The following PNLIPRP1 variants were observed in gnomAD, a reference collection of about 807,000 sequenced individuals.
PNLIPRP1 encodes pancreatic lipase related protein 1, also known as inactive pancreatic lipase-related protein 1.
In PNLIPRP1, 57 loss-of-function variants were observed where a neutral mutation model predicts 54.6. That is an observed-to-expected ratio of 1.04 (90% CI 0.84 to 1.30). The LOEUF is 1.30. Ranked by LOEUF, PNLIPRP1 falls within the 50% of genes most tolerant of loss-of-function variation. PNLIPRP1 has a pLI of 0.00. For missense variants in PNLIPRP1, 567 were observed against 568.5 expected (o/e 1.00, Z 0.03); for synonymous variants, 232 against 208.8 (o/e 1.11, Z -0.96).
Position 116,594,830 on chromosome 10 carries a change from G to T in PNLIPRP1, c.431G>T (p.Gly144Val). The change falls in exon 5 of 13, where the codon GGC becomes GTC. Residue 144 changes from glycine to valine, a missense_variant. Gly to Val is a moderately radical substitution (Grantham distance 109). Coordinates refer to ENST00000358834, the MANE Select transcript of PNLIPRP1 (RefSeq NM_006229.4). ...TQAANNVRVV[G>V]AQVAQMLDIL... is the part of the protein sequence containing the mutation. ...GCTGCCAACAACGTGCGAGTGGTGG[G>T]CGCCCAGGTGGCCCAGATGCTCGAC... The T allele has an allele frequency of 3.1e-6, 5 of 1,614,090 alleles. No homozygotes were observed. The South Asian group carries it at 5.5e-5, about 18-fold the overall frequency.
intron 10 of PNLIPRP1, among the ~76,000 whole-genome samples, chr10:116,603,455 A>G (rs1255215097): frequency 6.6e-6 from 1 of 152,184 alleles, no homozygotes; most frequent in East Asian, 1.9e-4. Context: ...TAAATTTTTA[A>G]TTGTATTTAA....
chr10:116,599,296 T>TAAAATAAAAA (rs1297586792), intron 8 of PNLIPRP1, among the ~76,000 whole-genome samples: 3 of 133,834 alleles, frequency 2.2e-5, no homozygotes, highest in African/African-American at 7.7e-5. Context: ...TAAAATAAAA[T>TAAAATAAAAA]AAAAAATAAA....
In PNLIPRP1 at chr10:116,600,123, G is replaced by T. The variant is rs1554864565; in HGVS notation, c.891G>T (p.Gly297=). The change falls in exon 9 of 13, where the codon GGG becomes GGT. Residue 297 remains glycine (G), a synonymous_variant. Transcript: ENST00000358834. The stretch of plus-strand genomic sequence containing the variant: ...TGGAAAGCATCCTCAATCCCGATGG[G>T]TTTGCTGCATATCCCTGCACTTCCT... ...YYLESILNPD[G]FAAYPCTSYK... The T allele has an allele frequency of 6.2e-7, 1 of 1,613,680 alleles. No individual in the cohort carries two copies. Among genetic ancestry groups the T allele is most frequent in the Non-Finnish European group, 8.5e-7 (1 of 1,179,656 alleles).
At position 116,591,012 on chromosome 10, in the gene PNLIPRP1, A is replaced by C; in HGVS notation, c.-1+17A>C. On this transcript the variant is annotated intron_variant, in intron 1 of 12. Transcript: ENST00000358834. Reference sequence around the variant, plus strand: ...TTAGACAGGGTAAGCCACCTTTGCAACTCCTTTCCCCCTGCTGTGACGTAC... The same window carrying C: ...TTAGACAGGGTAAGCCACCTTTGCACCTCCTTTCCCCCTGCTGTGACGTAC... The C allele has an allele frequency of 1.4e-6, 1 of 731,480 alleles. No individual in the cohort carries two copies. The highest frequency in any genetic ancestry group is 1.7e-5 in the African/African-American group (1 of 58,138). The allele number at this position is 731,480 out of a possible 1,614,324, so 45.3% of individuals were successfully genotyped here. A position where few individuals can be genotyped will look rare whatever the true frequency, so the allele number is the denominator to read the frequency against.
chr10:116,601,151 A>G lies in PNLIPRP1; in HGVS notation c.1013A>G (p.Glu338Gly). 6.2e-7 allele frequency: 1 copy of G among 1,614,148 alleles called. No homozygotes were observed. The highest frequency in any genetic ancestry group is 1.1e-5 in the South Asian group (1 of 91,078). ...YADKFAGRTS[E>G]EQQKFFLNTG... is the part of the protein sequence containing the mutation. ...GATAAATTTGCTGGCAGGACAAGTG[A>G]AGAGCAGCAGAAATTCTTCTTGAAC... is the stretch of plus-strand genomic sequence containing the variant. Residue 338 changes from glutamate (E) to glycine (G), a missense_variant, in exon 10 of 13, where the codon GAA becomes GGA. Coordinates refer to ENST00000358834, the MANE Select transcript of PNLIPRP1 (RefSeq NM_006229.4).
intron 7 of PNLIPRP1, 36 bp downstream of exon 7, chr10:116,597,983 A>T (rs781962630): frequency 6.2e-7 from 1 of 1,614,150 alleles, no homozygotes; most frequent in African/African-American, 1.3e-5. Flanking sequence ...GAGCACGCAC[A>T]ACTGTGTTTT....
At chr10:116,598,372 C>T (rs112117451) in intron 8 of PNLIPRP1, among the ~76,000 whole-genome samples, 2 of 152,206 alleles carry the variant, frequency 1.3e-5, no homozygotes, top group African/African-American at 4.8e-5. Flanking sequence ...TAAAACATTG[C>T]TGTGGATGTC....
intron 2 of PNLIPRP1, 88 bp from the exon 3 acceptor site, chr10:116,591,683 T>G (rs1222337080): frequency 7.4e-7 from 1 of 1,357,830 alleles, no homozygotes; most frequent in African/African-American, 1.4e-5. Flanking sequence ...TGTCCCTGAA[T>G]AGAAGAGTGA....
chr10:116,604,361 G>A (rs1847900140), intron 11 of PNLIPRP1, among the ~76,000 whole-genome samples: 2 of 152,134 alleles, frequency 1.3e-5, no homozygotes, highest in Admixed American at 1.3e-4. Context: ...TGGGTGTTTA[G>A]ATACACAAAT....
Position 116,591,156 on chromosome 10 carries a change from T to G in PNLIPRP1, c.27T>G (p.Leu9=). The G allele has an allele frequency of 6.2e-7, 1 of 1,613,668 alleles. No individual in the cohort carries two copies. The highest frequency in any genetic ancestry group is 8.5e-7 in the Non-Finnish European group (1 of 1,179,862). The part of the protein sequence containing the change: MLIFWTIT[L]FLLGAAKGKE... ...TGCTGATCTTCTGGACAATCACACT[T>G]TTCCTGCTGGGAGCAGCCAAAGGTA... Residue 9 remains leucine, a synonymous_variant, in exon 2 of 13, where the codon CTT becomes CTG. Coordinates refer to ENST00000358834, the MANE Select transcript of PNLIPRP1 (RefSeq NM_006229.4).
intron 8 of PNLIPRP1, among the ~76,000 whole-genome samples, chr10:116,598,934 A>G (rs975617682): frequency 6.6e-6 from 1 of 152,224 alleles, no homozygotes; most frequent in Non-Finnish European, 1.5e-5. Flanking sequence ...GGCTTGGCAT[A>G]TATGGATGCC....
chr10:116,601,408 A>G (rs1847837350), intron 10 of PNLIPRP1, among the ~76,000 whole-genome samples: 1 of 152,202 alleles, frequency 6.6e-6, no homozygotes, highest in African/African-American at 2.4e-5. Flanking sequence ...GCGGCATGAA[A>G]TGAGAGCAAG....
chr10:116,598,992 C>T (rs145248244), intron 8 of PNLIPRP1, among the ~76,000 whole-genome samples: 2,086 of 152,248 alleles, frequency 0.014, 27 homozygotes, highest in Middle Eastern at 0.051. Flanking sequence ...TGGTGGCTCA[C>T]GCCTATAATC....
chr10:116,607,475 T>C (rs933098080), intron 12 of PNLIPRP1, among the ~76,000 whole-genome samples: 3 of 151,224 alleles, frequency 2.0e-5, no homozygotes, highest in Non-Finnish European at 4.4e-5. Flanking sequence ...GGGGAGGCTG[T>C]GATGGAAGGA....
At chr10:116,595,261 G>A (rs1260124162) in intron 5 of PNLIPRP1, 1 of 228,604 alleles carries the variant, frequency 4.4e-6, no homozygotes, top group Non-Finnish European at 8.9e-6. Context: ...GAGCCACAGA[G>A]AGCCAACGGA....
rs200174051 is a variant in PNLIPRP1, at chr10:116,596,232, C to G, written c.484C>G (p.Pro162Ala). 1.4e-4 allele frequency: 228 copies of G among 1,612,360 alleles called. No individual in the cohort carries two copies. Among genetic ancestry groups the G allele is most frequent in the Non-Finnish European group, 1.8e-4 (207 of 1,178,496 alleles). The change falls in exon 6 of 13, where the codon CCT becomes GCT. Residue 162 changes from proline to alanine, a missense_variant. By Grantham distance (27) the Pro-to-Ala change is conservative. Transcript: ENST00000358834. ...TCTCCAGACAGAGTATAGCTACCCC[C>G]CTTCCAAAGTTCACCTCATTGGCCA... Reference protein sequence around the residue: ...DILLTEYSYPPSKVHLIGHSL... With the variant: ...DILLTEYSYPASKVHLIGHSL...
At position 116,596,315 on chromosome 10, in the gene PNLIPRP1, G is replaced by A. The variant is rs61751025; in HGVS notation, c.567G>A (p.Arg189=). ...EAGSKTPGLS[R]ITGLDPVEAS... is the part of the protein sequence containing the mutation. ...GAAGCAAGACTCCAGGCCTGAGCAG[G>A]ATTACAGGTAAGGCCCCAGAGGCAG... Residue 189 remains arginine, a synonymous_variant, in exon 6 of 13, where the codon AGG becomes AGA. Transcript: ENST00000358834. 2.0e-3 allele frequency: 3,204 copies of A among 1,605,468 alleles called. 63 individuals carry two copies. The African/African-American group carries it at 0.039, about 20-fold the overall frequency.
At chr10:116,600,815 A>G (rs1230009392) in intron 9 of PNLIPRP1, among the ~76,000 whole-genome samples, 1 of 152,220 alleles carries the variant, frequency 6.6e-6, no homozygotes, top group Non-Finnish European at 1.5e-5. Flanking sequence ...TCCACTCAAC[A>G]GAAGGTATAA....
rs782654693 is a variant in PNLIPRP1, at chr10:116,594,747, G to A, written c.348G>A (p.Glu116=). Residue 116 remains glutamate, a synonymous_variant, in exon 5 of 13, where the codon GAG becomes GAA. Coordinates refer to ENST00000358834, the MANE Select transcript of PNLIPRP1 (RefSeq NM_006229.4). The part of the protein sequence containing the change: ...TDMCKKLFEV[E]EVNCICVDWK... The stretch of plus-strand genomic sequence containing the variant: ...AACACCAGAAACTGTTCGAGGTGGA[G>A]GAGGTGAACTGCATCTGCGTGGACT... 5 of 1,614,074 alleles carry A rather than the reference G, an allele frequency of 3.1e-6. No individual in the cohort carries two copies. The highest frequency in any genetic ancestry group is 4.2e-6 in the Non-Finnish European group (5 of 1,180,036).
Sources: gnomAD v4.1 joint callset for allele counts (sites outside exome capture counted in the v4.1 genomes callset) on GRCh38, gnomAD v4.1.1 for gene constraint, MANE v1.5 for transcripts, NCBI Gene and HGNC (gene_info 2026-07-23, HGNC 2026-07-21) for gene names.